SV2B: variants seen among roughly 807,000 people sequenced by gnomAD.
SV2B encodes solute carrier family 22 member B2.
SV2B carries 41 observed loss-of-function variants against 73.9 expected under a neutral mutation model. The ratio of observed to expected loss-of-function variants is 0.56; its 90% CI spans 0.43 to 0.72. The LOEUF is 0.72. Among genes scored for constraint, SV2B ranks in the 30% least tolerant of loss-of-function variants. SV2B has a pLI of 0.00. For missense variants in SV2B, 764 were observed against 857.8 expected, an observed-to-expected ratio of 0.89 and a Z score of 1.37; for synonymous variants, 314 against 314.2, an observed-to-expected ratio of 1.00 and a Z score of 0.01.
chr15:91,149,629 C>T (rs1299733507), intron 1 of SV2B, among the ~76,000 whole-genome samples: 1 of 152,164 alleles, frequency 6.6e-6, no homozygotes, highest in Non-Finnish European at 1.5e-5. Context: ...TGGTTTGGCA[C>T]TTAAAGGGAG....
At chr15:91,190,841 C>T (rs907988683) in intron 1 of SV2B, among the ~76,000 whole-genome samples, 3 of 151,940 alleles carry the variant, frequency 2.0e-5, no homozygotes, top group African/African-American at 7.2e-5. Flanking sequence ...TCTCCAGCTA[C>T]AATGGTTGAT....
chr15:91,164,708 T>C (rs2043847816), intron 1 of SV2B, among the ~76,000 whole-genome samples: 1 of 152,222 alleles, frequency 6.6e-6, no homozygotes, highest in South Asian at 2.1e-4. Flanking sequence ...ATGAAAAAGC[T>C]ATTCATAGAT....
At position 91,281,779 on chromosome 15, in the gene SV2B, C is replaced by T. The variant is rs372724370; in HGVS notation, c.1425C>T (p.Asp475=). Residue 475 remains aspartate, a synonymous_variant, in exon 10 of 13, where the codon GAC becomes GAT. Coordinates refer to ENST00000394232, the MANE Select transcript of SV2B (RefSeq NM_001323032.3). This position sits in a 1 kb window ranked among gnomAD's most constrained non-coding sequence, Gnocchi z 4.7. ...KHVLFEDTFF[D]ECYFEDVTST... ...TACTCTTTGAGGACACATTCTTTGA[C>T]GAGTGCTATTTTGAAGACGTAACAT... is the stretch of plus-strand genomic sequence containing the variant. 31 of 1,612,890 alleles carry T rather than the reference C, an allele frequency of 1.9e-5. No homozygotes were observed. Among genetic ancestry groups the T allele is most frequent in the East Asian group, 1.8e-4 (8 of 44,884 alleles).
At chr15:91,217,284 A>G (rs1048745737) in intron 1 of SV2B, among the ~76,000 whole-genome samples, 2 of 152,228 alleles carry the variant, frequency 1.3e-5, no homozygotes, top group Admixed American at 1.3e-4. Context: ...TCAGTGCTTT[A>G]TCTATCTTGG....
At chr15:91,235,321 T>C (rs1186298903) in intron 2 of SV2B, among the ~76,000 whole-genome samples, 2 of 152,188 alleles carry the variant, frequency 1.3e-5, no homozygotes, top group African/African-American at 4.8e-5. Flanking sequence ...ATCAAGAGAT[T>C]TACATCTTTA....
intron 1 of SV2B, among the ~76,000 whole-genome samples, chr15:91,198,463 G>A (rs1347298734): frequency 1.4e-5 from 2 of 140,446 alleles, no homozygotes. Flanking sequence ...GTATGTGTGT[G>A]TGTGTGTGTG....
At chr15:91,150,918 C>T (rs1396039053) in intron 1 of SV2B, among the ~76,000 whole-genome samples, 1 of 152,206 alleles carries the variant, frequency 6.6e-6, no homozygotes, top group African/African-American at 2.4e-5. Flanking sequence ...CACCCCTCTG[C>T]TCCTGGGCTA....
chr15:91,267,779 C>T lies in SV2B; in HGVS notation c.1208+136C>T. On this transcript the variant is annotated intron_variant, in intron 8 of 12. Transcript: ENST00000394232. This position sits in a 1 kb window ranked among gnomAD's most constrained non-coding sequence, Gnocchi z 4.3. ...TTGGTGGCAAGTAGCAGAAAACCAA[C>T]TCTAGTGGCTTCTACAAAGAAGAAA... 1 of 704,290 alleles carries T rather than the reference C, an allele frequency of 1.4e-6. No individual in the cohort carries two copies. The highest frequency in any genetic ancestry group is 2.5e-6 in the Non-Finnish European group (1 of 403,544). The allele number at this position is 704,290 out of a possible 1,614,324, so 43.6% of individuals were successfully genotyped here. A position where few individuals can be genotyped will look rare whatever the true frequency, so the allele number is the denominator to read the frequency against.
intron 1 of SV2B, among the ~76,000 whole-genome samples, chr15:91,134,782 C>T (rs1943618750): frequency 6.6e-6 from 1 of 152,070 alleles, no homozygotes; most frequent in South Asian, 2.1e-4. Flanking sequence ...AGCAAACAAC[C>T]CCAATAAAAA....
chr15:91,167,004 G>A (rs1286758328), intron 1 of SV2B, among the ~76,000 whole-genome samples: 1 of 151,812 alleles, frequency 6.6e-6, no homozygotes, highest in East Asian at 1.9e-4. Context: ...TAGTAGAGAC[G>A]GGGTTTCACC....
At chr15:91,119,532 C>T (rs2042268850) in intron 1 of SV2B, among the ~76,000 whole-genome samples, 1 of 152,228 alleles carries the variant, frequency 6.6e-6, no homozygotes, top group African/African-American at 2.4e-5. Flanking sequence ...AGTGAATATT[C>T]AAGTTTCCAG....
intron 4 of SV2B, among the ~76,000 whole-genome samples, chr15:91,257,815 C>A (rs2047752715): frequency 6.6e-6 from 1 of 152,172 alleles, no homozygotes; most frequent in Non-Finnish European, 1.5e-5. Context: ...CCAGATTATG[C>A]TCTGGGTGCT....
In SV2B at chr15:91,140,323, C is replaced by A. The variant is rs2042962252; in HGVS notation, c.-392+39960C>A. ...TAAATAAAGTCTAATAAAAGTCATT[C>A]ATCAATTATCCATTAAGAAGGATTT... On this transcript the variant is annotated intron_variant, in intron 1 of 12. Coordinates refer to ENST00000394232, the MANE Select transcript of SV2B (RefSeq NM_001323032.3). This position sits in a 1 kb window ranked among gnomAD's most constrained non-coding sequence, Gnocchi z 4.4. 6.6e-6 allele frequency among the ~76,000 whole-genome samples: 1 copy of A among 152,192 alleles called. No individual in the cohort carries two copies. The highest frequency in any genetic ancestry group is 1.5e-5 in the Non-Finnish European group (1 of 68,036).
intron 1 of SV2B, among the ~76,000 whole-genome samples, chr15:91,116,510 A>G (rs2042182961): frequency 1.3e-5 from 2 of 152,220 alleles, no homozygotes; most frequent in South Asian, 4.1e-4. Flanking sequence ...AGAACGTTGT[A>G]TGACTGCACT....
intron 1 of SV2B, among the ~76,000 whole-genome samples, chr15:91,175,687 C>A (rs1176056249): frequency 6.9e-6 from 1 of 145,832 alleles, no homozygotes; most frequent in African/African-American, 2.7e-5. Flanking sequence ...CTTAAAAATG[C>A]CTATCATGTA....
chr15:91,216,775 T>G (rs1567353576), intron 1 of SV2B, among the ~76,000 whole-genome samples: 1 of 151,834 alleles, frequency 6.6e-6, no homozygotes, highest in East Asian at 1.9e-4. Context: ...GTATTTTTTT[T>G]TTTTTAACAA....
intron 1 of SV2B, among the ~76,000 whole-genome samples, chr15:91,119,817 T>C (rs1425919233): frequency 6.6e-6 from 1 of 152,236 alleles, no homozygotes; most frequent in Non-Finnish European, 1.5e-5. Flanking sequence ...ATTTTATTTT[T>C]CATTTATTTG....
At chr15:91,285,085 C>T (rs546968364) in intron 11 of SV2B, among the ~76,000 whole-genome samples, 2 of 152,074 alleles carry the variant, frequency 1.3e-5, no homozygotes, top group Non-Finnish European at 2.9e-5. Flanking sequence ...CTAGCAGCAA[C>T]GTGCAAAAGG....
Position 91,146,963 on chromosome 15 carries a change from A to G in SV2B, c.-392+46600A>G, listed in dbSNP as rs1342486876. On this transcript the variant is annotated intron_variant, in intron 1 of 12. Coordinates refer to ENST00000394232, the MANE Select transcript of SV2B (RefSeq NM_001323032.3). The stretch of plus-strand genomic sequence containing the variant: ...CCTTTGATCAAGAGTGACTCATGCA[A>G]TGTTTGCAAAGCTTCTGAGCCATAT... 7.9e-5 allele frequency among the ~76,000 whole-genome samples: 12 copies of G among 152,154 alleles called. No homozygotes were observed. The East Asian group carries it at 2.3e-3, about 29-fold the overall frequency.
Sources: allele counts gnomAD v4.1 joint callset (sites outside exome capture counted in the v4.1 genomes callset), GRCh38; gene constraint gnomAD v4.1.1; non-coding constraint Gnocchi (gnomAD v3.1); transcripts MANE v1.5; gene names NCBI Gene and HGNC (gene_info 2026-07-23, HGNC 2026-07-21).